STPG2: variants seen among roughly 807,000 people sequenced by gnomAD.
STPG2 encodes sperm-tail PG-rich repeat-containing protein 2.
In STPG2, 56 loss-of-function variants were observed where a neutral mutation model predicts 54.2. The ratio of observed to expected loss-of-function variants is 1.03; its 90% CI spans 0.83 to 1.29. STPG2 has a LOEUF of 1.29. Among genes scored for constraint, STPG2 ranks in the 50% most tolerant of loss-of-function variants. STPG2 has a pLI of 0.00. For synonymous variants in STPG2, 200 were observed against 181.8 expected, an observed-to-expected ratio of 1.10 and a Z score of -0.81; for missense variants, 596 against 544.9, an observed-to-expected ratio of 1.09 and a Z score of -0.93.
intron 4 of STPG2, among the ~76,000 whole-genome samples, chr4:97,502,939 G>T (rs905115487): frequency 6.6e-6 from 1 of 151,674 alleles, no homozygotes; most frequent in Non-Finnish European, 1.5e-5. Flanking sequence ...ATTGAAGCTC[G>T]AAGCCTAGAT....
chr4:97,515,003 C>T (rs1373121064), intron 4 of STPG2, among the ~76,000 whole-genome samples: 1 of 151,948 alleles, frequency 6.6e-6, no homozygotes, highest in African/African-American at 2.4e-5. Flanking sequence ...AAGCTAAATT[C>T]AAAATAATCA....
At chr4:97,882,409 C>T (rs1250597569) in intron 8 of STPG2, among the ~76,000 whole-genome samples, 2 of 152,156 alleles carry the variant, frequency 1.3e-5, no homozygotes, top group African/African-American at 4.8e-5. Flanking sequence ...ACCATGTTGC[C>T]TCAAGGGCAC....
chr4:97,563,697 C>T (rs1487968338), intron 10 of STPG2, among the ~76,000 whole-genome samples: 2 of 152,072 alleles, frequency 1.3e-5, no homozygotes, highest in African/African-American at 2.4e-5. Context: ...TCGTTATGTA[C>T]CCAGTAGTCA....
chr4:97,629,740 G>A (rs1274432548), intron 10 of STPG2, among the ~76,000 whole-genome samples: 1 of 151,954 alleles, frequency 6.6e-6, no homozygotes, highest in Non-Finnish European at 1.5e-5. Context: ...TAAAATCTGG[G>A]AGTAGCAGTA....
chr4:97,747,868 C>A lies in STPG2; in HGVS notation c.1205-35054G>T, dbSNP rs1400378637. On this transcript the variant is annotated intron_variant, in intron 9 of 10. Coordinates refer to ENST00000295268, the MANE Select transcript of STPG2 (RefSeq NM_174952.3). ...TGGTTTTATTCAGACGTTTGAATAT[C>A]CAAGTGGATGACCTTTGATGTGTTC... Among the ~76,000 whole-genome samples the A allele has an allele frequency of 2.0e-5, 3 of 151,376 alleles. No individual in the cohort carries two copies. In the Admixed American group the frequency reaches 2.0e-4, roughly 10 times the overall value.
At chr4:97,476,999 T>C (rs1414976988) in intron 4 of STPG2, among the ~76,000 whole-genome samples, 1 of 152,190 alleles carries the variant, frequency 6.6e-6, no homozygotes, top group Non-Finnish European at 1.5e-5. Flanking sequence ...CACAGCCAGA[T>C]TGGAGATAGT....
At chr4:97,674,858 C>T (rs1050290474) in intron 10 of STPG2, among the ~76,000 whole-genome samples, 34 of 152,134 alleles carry the variant, frequency 2.2e-4, no homozygotes, top group African/African-American at 8.0e-4. Context: ...GTAGGGGAAA[C>T]GGTACTATAA....
chr4:97,839,417 GAGAGT>G (rs1728727696), intron 9 of STPG2, among the ~76,000 whole-genome samples: 1 of 151,678 alleles, frequency 6.6e-6, no homozygotes, highest in East Asian at 1.9e-4. Flanking sequence ...TTATGCAGAG[GAGAGT>G]AAAGGAATAC....
intron 10 of STPG2, among the ~76,000 whole-genome samples, chr4:97,648,306 G>A (rs1721970916): frequency 6.6e-6 from 1 of 152,124 alleles, no homozygotes; most frequent in African/African-American, 2.4e-5. Context: ...GTAATCTGCT[G>A]CAATATGCAG....
chr4:97,612,980 A>T (rs1026229198), intron 10 of STPG2, among the ~76,000 whole-genome samples: 7 of 152,056 alleles, frequency 4.6e-5, no homozygotes, highest in Admixed American at 1.3e-4. Flanking sequence ...TTTATTTTTT[A>T]ATAACTTTAA....
intron 8 of STPG2, among the ~76,000 whole-genome samples, chr4:97,894,824 C>T (rs944677283): frequency 9.2e-5 from 14 of 151,726 alleles, no homozygotes; most frequent in African/African-American, 1.9e-4. Context: ...CTAAGGCTAG[C>T]GAGCAAAAGC....
intron 10 of STPG2, among the ~76,000 whole-genome samples, chr4:97,661,362 C>A (rs1385737092): frequency 6.6e-6 from 1 of 152,086 alleles, no homozygotes; most frequent in African/African-American, 2.4e-5. Flanking sequence ...AAATGAGGAT[C>A]CCAGTATTTG....
chr4:97,859,383 T>A (rs1729438285), intron 8 of STPG2, among the ~76,000 whole-genome samples: 1 of 152,174 alleles, frequency 6.6e-6, no homozygotes, highest in Admixed American at 6.5e-5. Context: ...GATTATTTCT[T>A]TTGCTGTGTA....
chr4:97,802,410 T>C (rs1295761194), intron 9 of STPG2, among the ~76,000 whole-genome samples: 1 of 152,186 alleles, frequency 6.6e-6, no homozygotes, highest in African/African-American at 2.4e-5. Flanking sequence ...GACAAGGAGT[T>C]ATAAACATTC....
intron 8 of STPG2, among the ~76,000 whole-genome samples, chr4:97,864,327 A>G (rs901716265): frequency 1.3e-5 from 2 of 152,042 alleles, no homozygotes; most frequent in Non-Finnish European, 1.5e-5. Context: ...TCATGAGTGA[A>G]CTCCCATTCA....
intron 5 of STPG2, among the ~76,000 whole-genome samples, chr4:98,027,106 G>A (rs1736447517): frequency 6.6e-6 from 1 of 152,096 alleles, no homozygotes; most frequent in Non-Finnish European, 1.5e-5. Context: ...AATGGCCAAT[G>A]TTCCCAGGGG....
chr4:97,633,299 A>G (rs1237778724), intron 10 of STPG2, among the ~76,000 whole-genome samples: 4 of 152,176 alleles, frequency 2.6e-5, no homozygotes, highest in Admixed American at 6.5e-5. Context: ...ATACAAATTA[A>G]AAAGTTGGAA....
chr4:97,496,342 C>T (rs1449556736), intron 4 of STPG2, among the ~76,000 whole-genome samples: 7 of 151,622 alleles, frequency 4.6e-5, no homozygotes, highest in Admixed American at 2.6e-4. Context: ...CCTAGGCAGA[C>T]AAAATAGAGC....
chr4:97,954,497 A>C (rs78410070), intron 7 of STPG2, among the ~76,000 whole-genome samples: 3,843 of 152,300 alleles, frequency 0.025, 78 homozygotes, highest in Middle Eastern at 0.037. Context: ...GTAAGGAGTA[A>C]AGGCAGTGTG....
Sources: gnomAD v4.1 joint callset for allele counts (sites outside exome capture counted in the v4.1 genomes callset) on GRCh38, gnomAD v4.1.1 for gene constraint, MANE v1.5 for transcripts, NCBI Gene and HGNC (gene_info 2026-07-23, HGNC 2026-07-21) for gene names.